NOS2: variants seen among roughly 807,000 people sequenced by gnomAD.
The protein encoded by NOS2 is nitric oxide synthase, inducible.
Under a neutral mutation model 136.0 loss-of-function variants are expected in NOS2, and 96 were observed. That is an observed-to-expected ratio of 0.71 (90% CI 0.60 to 0.84). The LOEUF (loss-of-function observed/expected upper bound fraction) is 0.84, where lower values mean the gene tolerates loss of function less well. Among genes scored for constraint, NOS2 ranks in the 40% least tolerant of loss-of-function variants. The pLI is 0.00. For missense variants in NOS2, 1,237 were observed against 1,496.9 expected (o/e 0.83, Z 2.87); for synonymous variants, 539 against 587.5 (o/e 0.92, Z 1.20).
Position 27,772,990 on chromosome 17 carries a change from G to C in NOS2, c.1559+171C>G, listed in dbSNP as rs28999403. Among the ~76,000 whole-genome samples the C allele has an allele frequency of 8.2e-3, 1,256 of 152,286 alleles. 20 individuals are homozygous for C. Among genetic ancestry groups the C allele is most frequent in the African/African-American group, 0.028 (1,171 of 41,566 alleles). On this transcript the variant is annotated intron_variant, in intron 13 of 26. Coordinates refer to ENST00000313735, the MANE Select transcript of NOS2 (RefSeq NM_000625.4). ...GCAGAGGCTGCAGTGAGCTGTGATG[G>C]CACCACTACACCCCAGCCTGGGTGA...
chr17:27,769,454 G>A, intron 16 of NOS2, 81 bp downstream of exon 16: 1 of 1,200,996 alleles, frequency 8.3e-7, no homozygotes, highest in Non-Finnish European at 1.2e-6. Context: ...GACCCCCTGT[G>A]CACACCCAGT....
chr17:27,763,099 A>T, intron 21 of NOS2, 94 bp from the exon 22 acceptor site: 1 of 842,486 alleles, frequency 1.2e-6, no homozygotes, highest in Non-Finnish European at 1.8e-6. Flanking sequence ...TCATTCACTC[A>T]CTCAACAAAC....
intron 12 of NOS2, 95 bp from the exon 13 acceptor site, chr17:27,773,338 A>G (rs1028370957): frequency 6.2e-5 from 52 of 834,956 alleles, no homozygotes; most frequent in Middle Eastern, 2.9e-4. Context: ...CACACCCATC[A>G]TGAGCCTGGG....
intron 11 of NOS2, among the ~76,000 whole-genome samples, chr17:27,776,202 G>A (rs1402144463): frequency 6.6e-6 from 1 of 152,220 alleles, no homozygotes; most frequent in East Asian, 1.9e-4. Flanking sequence ...AGGCATGAGA[G>A]GATCCAGCTG....
In NOS2 at chr17:27,763,022, A is replaced by G; in HGVS notation, c.2593-17T>C. On this transcript the variant is annotated splice_polypyrimidine_tract_variant and intron_variant, in intron 21 of 26. Transcript: ENST00000313735. ...CTCTGAGGGCTAAAAGCCAAGGGTGATGTCAGTGACTCAGGGCGCCTGTCC... is the reference window on the plus strand; with the variant it reads ...CTCTGAGGGCTAAAAGCCAAGGGTGGTGTCAGTGACTCAGGGCGCCTGTCC... The G allele has an allele frequency of 1.9e-6, 3 of 1,565,090 alleles. No individual in the cohort carries two copies. Among genetic ancestry groups the G allele is most frequent in the Non-Finnish European group, 2.6e-6 (3 of 1,151,756 alleles).
intron 4 of NOS2, among the ~76,000 whole-genome samples, chr17:27,788,196 GCACA>G (rs59431357): frequency 4.7e-5 from 7 of 149,642 alleles, no homozygotes; most frequent in Admixed American, 6.7e-5. Context: ...GCACACGCGT[GCACA>G]CACACACACA....
chr17:27,778,049 G>A (rs969523799), intron 11 of NOS2, among the ~76,000 whole-genome samples: 1 of 151,694 alleles, frequency 6.6e-6, no homozygotes, highest in Non-Finnish European at 1.5e-5. Context: ...AAAAAAAAAG[G>A]AAAAGAAAGA....
At chr17:27,792,402 T>A (rs776307388) in intron 2 of NOS2, among the ~76,000 whole-genome samples, 27 of 152,336 alleles carry the variant, frequency 1.8e-4, no homozygotes, top group Non-Finnish European at 3.1e-4. Flanking sequence ...ATCTTCCAAC[T>A]TTTTACAGTG....
At position 27,765,525 on chromosome 17, in the gene NOS2, C is replaced by T. The variant is rs758228788; in HGVS notation, c.2428+10G>A. The T allele has an allele frequency of 5.7e-6, 9 of 1,583,590 alleles. No individual in the cohort carries two copies. The highest frequency in any genetic ancestry group is 2.2e-4 in the Middle Eastern group (1 of 4,470). On this transcript the variant is annotated intron_variant, in intron 20 of 26. Transcript: ENST00000313735. The stretch of plus-strand genomic sequence containing the variant: ...GCCAGGCAGCACTGGCTTTCTAGCC[C>T]GGGGCTCACCACTCTCATCCAGGGC...
chr17:27,790,582 T>A (rs1419419403), intron 2 of NOS2, among the ~76,000 whole-genome samples: 1 of 152,176 alleles, frequency 6.6e-6, no homozygotes, highest in South Asian at 2.1e-4. Context: ...CCACGGCCGA[T>A]CTTGTTTCAC....
intron 4 of NOS2, 127 bp from the exon 5 acceptor site, chr17:27,787,953 CCT>C: frequency 1.1e-6 from 1 of 911,104 alleles, no homozygotes; most frequent in Non-Finnish European, 1.6e-6. Context: ...CTTCTCCACC[CCT>C]GTGGCACCTC....
intron 12 of NOS2, 123 bp from the exon 13 acceptor site, chr17:27,773,366 G>T: frequency 1.4e-6 from 1 of 698,954 alleles, no homozygotes; most frequent in Non-Finnish European, 2.5e-6. Context: ...GCTGGCCTGC[G>T]CCCCACCCCT....
At chr17:27,789,843 C>A (rs540429217) in intron 2 of NOS2, among the ~76,000 whole-genome samples, 155 bp from the exon 3 acceptor site, 1 of 152,214 alleles carries the variant, frequency 6.6e-6, no homozygotes, top group Non-Finnish European at 1.5e-5. Flanking sequence ...ACTGCCTCCC[C>A]ATCCCCATCT....
At chr17:27,760,530 G>A in intron 24 of NOS2, 93 bp downstream of exon 24, 1 of 1,513,368 alleles carries the variant, frequency 6.6e-7, no homozygotes, top group Non-Finnish European at 9.0e-7. Context: ...TCCCTCGAGA[G>A]AGGTCAGGAA....
intron 9 of NOS2, among the ~76,000 whole-genome samples, chr17:27,779,443 C>T (rs971017760): frequency 2.6e-5 from 4 of 151,924 alleles, no homozygotes; most frequent in South Asian, 2.1e-4. Context: ...CCTTGTCTGG[C>T]GCTGGGGGCT....
In NOS2 at chr17:27,761,145, T is replaced by C; in HGVS notation, c.2887A>G (p.Asn963Asp). ...PQDPVPCFVR[N>D]ASGFHLPEDP... ...GGACAGAGTGGAAGGGGTGCTTACTTCCGCACAAAGCAGGGCACTGGGTCT... is the reference window on the plus strand; with the variant it reads ...GGACAGAGTGGAAGGGGTGCTTACTCCCGCACAAAGCAGGGCACTGGGTCT... Residue 963 changes from asparagine to aspartate, a missense_variant and splice_region_variant, in exon 23 of 27, where the codon AAT becomes GAT. Asn to Asp is a conservative substitution (Grantham distance 23). Transcript: ENST00000313735. 2 of 1,592,760 alleles carry C rather than the reference T, an allele frequency of 1.3e-6. No individual in the cohort carries two copies. The highest frequency in any genetic ancestry group is 1.7e-6 in the Non-Finnish European group (2 of 1,169,866).
chr17:27,774,075 G>T (rs543252893), intron 12 of NOS2, among the ~76,000 whole-genome samples, 182 bp downstream of exon 12: 3 of 152,282 alleles, frequency 2.0e-5, no homozygotes, highest in African/African-American at 7.2e-5. Flanking sequence ...TTCCTTCAGT[G>T]CCACTCTCCG....
chr17:27,765,789 T>A, intron 19 of NOS2, 73 bp from the exon 20 acceptor site: 1 of 1,443,084 alleles, frequency 6.9e-7, no homozygotes, highest in Non-Finnish European at 9.3e-7. Context: ...GCAGGCGAGA[T>A]TCCCCAGGAA....
chr17:27,781,307 C>A, intron 7 of NOS2, 130 bp from the exon 8 acceptor site: 1 of 1,047,780 alleles, frequency 9.5e-7, no homozygotes, highest in South Asian at 1.7e-5. Context: ...CTGAGCCAGC[C>A]TCCTGACATG....
Sources: gnomAD v4.1 joint callset for allele counts (sites outside exome capture counted in the v4.1 genomes callset) on GRCh38, gnomAD v4.1.1 for gene constraint, MANE v1.5 for transcripts, NCBI Gene and HGNC (gene_info 2026-07-23, HGNC 2026-07-21) for gene names.